Variants in TAFA2 observed in about 807,000 individuals in gnomAD.
TAFA2 encodes chemokine-like protein TAFA-2.
Under a neutral mutation model 18.8 loss-of-function variants are expected in TAFA2, and 7 were observed. The ratio of observed to expected loss-of-function variants is 0.37; its 90% CI spans 0.21 to 0.70. The LOEUF is 0.70. TAFA2 is among the 30% of genes least tolerant of loss of function. The pLI is 0.53. For synonymous variants in TAFA2, 60 were observed against 54.2 expected (o/e 1.11, Z -0.47); for missense variants, 122 against 158.1 (o/e 0.77, Z 1.23).
chr12:61,879,842 G>A, intron 1 of TAFA2: 1 of 1,222,112 alleles, frequency 8.2e-7, no homozygotes, highest in African/African-American at 1.5e-5. Context: ...GCTGGTGGAG[G>A]ACTTCAAGAA....
At chr12:62,181,450 A>C (rs1406466532) in intron 1 of TAFA2, among the ~76,000 whole-genome samples, 1 of 152,232 alleles carries the variant, frequency 6.6e-6, no homozygotes, top group Non-Finnish European at 1.5e-5. Context: ...CTCTGCTATA[A>C]GCAAAGCTAT....
intron 1 of TAFA2, among the ~76,000 whole-genome samples, chr12:61,902,456 G>T (rs1249037573): frequency 6.6e-6 from 1 of 152,162 alleles, no homozygotes; most frequent in African/African-American, 2.4e-5. Context: ...CATGAACACA[G>T]TTGAGCATAC....
chr12:61,888,784 A>C (rs778153652), intron 1 of TAFA2, among the ~76,000 whole-genome samples: 6 of 152,264 alleles, frequency 3.9e-5, no homozygotes, highest in Admixed American at 2.0e-4. Context: ...GTGGACTGAC[A>C]TGTGGTAATT....
At chr12:62,227,361 A>ATATG (rs2062791412) in intron 1 of TAFA2, among the ~76,000 whole-genome samples, 1 of 152,250 alleles carries the variant, frequency 6.6e-6, no homozygotes, top group Non-Finnish European at 1.5e-5. Flanking sequence ...ATATGCATAC[A>ATATG]CTAAAGTGTC....
chr12:62,138,961 G>T (rs1283154848), intron 1 of TAFA2, among the ~76,000 whole-genome samples: 1 of 152,118 alleles, frequency 6.6e-6, no homozygotes, highest in Non-Finnish European at 1.5e-5. Flanking sequence ...CCAGAGATCA[G>T]AAATAAGGTG....
intron 1 of TAFA2, chr12:62,253,820 T>C (rs1458264710): frequency 6.6e-6 from 1 of 152,246 alleles, no homozygotes; most frequent in Non-Finnish European, 1.5e-5. Flanking sequence ...AGTTCTGGTA[T>C]TACGATATAG....
chr12:61,909,503 C>T (rs2121338981), intron 1 of TAFA2, among the ~76,000 whole-genome samples: 1 of 152,270 alleles, frequency 6.6e-6, no homozygotes, highest in South Asian at 2.1e-4. Context: ...AAATCAATCT[C>T]TGTAGAGATG....
At chr12:61,960,219 T>C (rs1054464826) in intron 1 of TAFA2, among the ~76,000 whole-genome samples, 5 of 150,916 alleles carry the variant, frequency 3.3e-5, no homozygotes, top group African/African-American at 1.2e-4. Context: ...TATATGCTGT[T>C]TTATATTATG....
At chr12:62,090,188 C>T (rs890159457) in intron 1 of TAFA2, among the ~76,000 whole-genome samples, 1 of 152,010 alleles carries the variant, frequency 6.6e-6, no homozygotes, top group African/African-American at 2.4e-5. Context: ...TTAAAGTAGT[C>T]TCCAGCCTCT....
At chr12:61,749,050 G>C (rs1229849894) in intron 4 of TAFA2, among the ~76,000 whole-genome samples, 2 of 151,614 alleles carry the variant, frequency 1.3e-5, no homozygotes, top group African/African-American at 4.9e-5. Flanking sequence ...CGGATCACTT[G>C]AGGCCAGGAG....
upstream of TAFA2, chr12:62,259,765 G>A (rs1265941986): frequency 6.5e-6 from 1 of 152,766 alleles, no homozygotes; most frequent in African/African-American, 2.4e-5. Context: ...TCGTCTGGGT[G>A]TGCCTGGGGA....
intron 1 of TAFA2, among the ~76,000 whole-genome samples, chr12:61,910,116 G>A (rs975905188): frequency 7.9e-5 from 12 of 151,374 alleles, no homozygotes; most frequent in Non-Finnish European, 1.6e-4. Flanking sequence ...GTGTGTGTGT[G>A]TGTGTGTGTG....
intron 1 of TAFA2, among the ~76,000 whole-genome samples, chr12:62,022,909 T>A (rs1196586639): frequency 6.6e-6 from 1 of 152,178 alleles, no homozygotes; most frequent in Non-Finnish European, 1.5e-5. Context: ...GGAGCAACCA[T>A]ACCAGCAATC....
intron 1 of TAFA2, among the ~76,000 whole-genome samples, chr12:61,965,831 T>C (rs1231826205): frequency 6.6e-6 from 1 of 151,932 alleles, no homozygotes; most frequent in African/African-American, 2.4e-5. Context: ...CATGGCATTG[T>C]GCAGCCGCTG....
upstream of TAFA2, among the ~76,000 whole-genome samples, chr12:62,196,246 A>AT (rs1327608208): frequency 8.5e-5 from 13 of 152,196 alleles, no homozygotes; most frequent in African/African-American, 2.9e-4. Context: ...GGCTGGTTTG[A>AT]TTTTCTATCT....
chr12:62,201,921 T>G (rs1245662), intron 1 of TAFA2, among the ~76,000 whole-genome samples: 135,283 of 152,224 alleles, frequency 0.89, 60,229 homozygotes, highest in Middle Eastern at 0.93. Flanking sequence ...TTCATAACCT[T>G]TTATTGGTCT....
At chr12:62,209,070 A>C (rs2062703433) in intron 1 of TAFA2, among the ~76,000 whole-genome samples, 1 of 152,138 alleles carries the variant, frequency 6.6e-6, no homozygotes, top group Admixed American at 6.5e-5. Flanking sequence ...TCCCCAACAC[A>C]AGGTTTTTGA....
chr12:62,049,053 A>C (rs1437672190), intron 1 of TAFA2, among the ~76,000 whole-genome samples: 6 of 152,158 alleles, frequency 3.9e-5, no homozygotes, highest in Non-Finnish European at 8.8e-5. Flanking sequence ...CTTAAGGAGG[A>C]GATATATGAA....
In TAFA2 at chr12:61,717,427, A is replaced by T. The variant is rs370497938; in HGVS notation, c.385-7010T>A. 3.9e-5 allele frequency among the ~76,000 whole-genome samples: 6 copies of T among 152,182 alleles called. No homozygotes were observed. In the East Asian group the frequency reaches 7.7e-4, roughly 20 times the overall value. On this transcript the variant is annotated intron_variant, in intron 4 of 4. Transcript: ENST00000416284. ...TTTTACTTTCATGATGATGGAGGTG[A>T]CTCCTAGAGACCTGAAAACCATTGT...
Sources: allele counts gnomAD v4.1 joint callset (sites outside exome capture counted in the v4.1 genomes callset), GRCh38; gene constraint gnomAD v4.1.1; transcripts MANE v1.5; gene names NCBI Gene and HGNC (gene_info 2026-07-23, HGNC 2026-07-21).